Variants in DNM3 observed in about 807,000 individuals in gnomAD.
DNM3 encodes dynamin 3, also known as dynamin-3.
DNM3 carries 47 observed loss-of-function variants against 101.6 expected under a neutral mutation model. The ratio of observed to expected loss-of-function variants is 0.46; its 90% CI spans 0.37 to 0.59. The LOEUF (loss-of-function observed/expected upper bound fraction) is 0.59, where lower values mean the gene tolerates loss of function less well. Ranked by LOEUF, DNM3 falls within the 20% of genes least tolerant of loss-of-function variation. The pLI is 0.00. For missense variants in DNM3, 849 were observed against 1,085.7 expected (o/e 0.78, Z 3.06); for synonymous variants, 385 against 387.9 (o/e 0.99, Z 0.09).
chr1:171,987,478 T>C (rs1030088718), intron 2 of DNM3, among the ~76,000 whole-genome samples, 178 bp from the exon 3 acceptor site: 5 of 152,348 alleles, frequency 3.3e-5, no homozygotes, highest in African/African-American at 1.2e-4. Context: ...GCATTTGTAC[T>C]ATGTTTAATA....
intron 4 of DNM3, 86 bp from the exon 5 acceptor site, chr1:172,032,316 G>T: frequency 1.1e-6 from 1 of 952,056 alleles, no homozygotes; most frequent in Admixed American, 1.8e-5. Context: ...AGGAAAATGT[G>T]CTTTACATTT....
At chr1:172,081,034 C>A (rs144167667) in intron 11 of DNM3, among the ~76,000 whole-genome samples, 2 of 152,334 alleles carry the variant, frequency 1.3e-5, no homozygotes, top group African/African-American at 4.8e-5. Flanking sequence ...CTGTGTTGAT[C>A]TCACTGGGAG....
intron 7 of DNM3, among the ~76,000 whole-genome samples, chr1:172,040,448 A>G (rs1179658486): frequency 6.6e-6 from 1 of 152,006 alleles, no homozygotes; most frequent in African/African-American, 2.4e-5. Context: ...TGGAGTTTCT[A>G]AACCTGGTAA....
In DNM3 at chr1:172,336,385, A is replaced by G. The variant is rs1040860309; in HGVS notation, c.1893+13045A>G. On this transcript the variant is annotated intron_variant, in intron 17 of 20. Transcript: ENST00000627582. ...TATTGTATACAAATTTAGAATAAAC[A>G]TCTTTATGCATAATTTCTCATCTAC... Among the ~76,000 whole-genome samples the G allele has an allele frequency of 3.3e-5, 5 of 152,008 alleles. 1 individual carries two copies. The highest frequency in any genetic ancestry group is 7.4e-5 in the Non-Finnish European group (5 of 67,992).
chr1:171,911,744 C>CT (rs1264121899), intron 1 of DNM3, among the ~76,000 whole-genome samples: 3 of 152,140 alleles, frequency 2.0e-5, no homozygotes, highest in African/African-American at 7.2e-5. Context: ...CATCTGAAGC[C>CT]TTAGCAGGGG....
chr1:172,132,963 C>T, intron 14 of DNM3: 1 of 1,539,366 alleles, frequency 6.5e-7, no homozygotes, highest in Non-Finnish European at 8.8e-7. Flanking sequence ...GAAATTTGAA[C>T]CCAGGCTGTT....
At chr1:172,185,457 A>G (rs1326817764) in intron 14 of DNM3, among the ~76,000 whole-genome samples, 1 of 152,100 alleles carries the variant, frequency 6.6e-6, no homozygotes, top group African/African-American at 2.4e-5. Context: ...TCTCTATTGG[A>G]AACCATTGTG....
Position 172,161,360 on chromosome 1 carries a change from G to A in DNM3, c.1659+30072G>A, listed in dbSNP as rs79476946. Among the ~76,000 whole-genome samples the A allele has an allele frequency of 4.8e-4, 73 of 152,000 alleles. 1 individual carries two copies. In the East Asian group the frequency reaches 0.013, roughly 28 times the overall value. ...GAATGTTATCATGGGCCGTTTCTCA[G>A]CCTAACTTCAGCATTATGAGACACT... On this transcript the variant is annotated intron_variant, in intron 14 of 20. Coordinates refer to ENST00000627582, the MANE Select transcript of DNM3 (RefSeq NM_015569.5).
At chr1:172,349,895 A>C (rs2067118434) in intron 17 of DNM3, among the ~76,000 whole-genome samples, 1 of 152,172 alleles carries the variant, frequency 6.6e-6, no homozygotes, top group Non-Finnish European at 1.5e-5. Flanking sequence ...GGATTACTAT[A>C]ATGCAAGAGG....
intron 14 of DNM3, among the ~76,000 whole-genome samples, chr1:172,140,884 A>G (rs1015048339): frequency 8.9e-4 from 136 of 152,094 alleles, no homozygotes; most frequent in African/African-American, 3.0e-3. Context: ...AAGACTGAAA[A>G]CCATATTGAC....
intron 14 of DNM3, among the ~76,000 whole-genome samples, chr1:172,232,031 C>G (rs187807488): frequency 6.5e-4 from 98 of 151,696 alleles, no homozygotes; most frequent in Non-Finnish European, 1.6e-4. Context: ...AAGATATTAT[C>G]CATAACAATA....
intron 14 of DNM3, among the ~76,000 whole-genome samples, chr1:172,225,503 G>A (rs1192808874): frequency 2.6e-5 from 4 of 152,000 alleles, no homozygotes; most frequent in East Asian, 1.9e-4. Context: ...GATCCAAAAG[G>A]CCTTCTGAAC....
chr1:171,952,584 T>A (rs928059767), intron 2 of DNM3, among the ~76,000 whole-genome samples: 1 of 152,160 alleles, frequency 6.6e-6, no homozygotes, highest in African/African-American at 2.4e-5. Flanking sequence ...CCAGAGGGGA[T>A]CCATTTCAAT....
In DNM3 at chr1:172,409,303, G is replaced by A. The variant is rs1350913214; in HGVS notation, c.*1462G>A. 2 of 985,328 alleles carry A rather than the reference G, an allele frequency of 2.0e-6. No homozygotes were observed. Among genetic ancestry groups the A allele is most frequent in the African/African-American group, 3.5e-5 (2 of 57,362 alleles). The allele number at this position is 985,328 out of a possible 1,614,324, so 61.0% of individuals were successfully genotyped here. A position where few individuals can be genotyped will look rare whatever the true frequency, so the allele number is the denominator to read the frequency against. On this transcript the variant is annotated 3_prime_UTR_variant, in exon 21 of 21. Transcript: ENST00000627582. ...GTCTCCCTTTGAAAGTAGCAAACAT[G>A]ATTTGTATGTTAACTTAACTTTAAT...
intron 1 of DNM3, among the ~76,000 whole-genome samples, chr1:171,913,688 C>T (rs1275825716): frequency 6.6e-6 from 1 of 152,138 alleles, no homozygotes; most frequent in East Asian, 1.9e-4. Context: ...CTTTCTCTTC[C>T]TATCTCCTTT....
In DNM3 at chr1:172,279,774, T is replaced by C. The variant is rs541249709; in HGVS notation, c.1769+26092T>C. Among the ~76,000 whole-genome samples the C allele has an allele frequency of 3.3e-3, 507 of 152,308 alleles. 1 individual carries two copies. The highest frequency in any genetic ancestry group is 0.011 in the African/African-American group (478 of 41,588). ...GATATATATTTAGAATTCAGCCTCTTCTTTCTTACCCCTTGGCCTCATCGG... is the reference window on the plus strand; with the variant it reads ...GATATATATTTAGAATTCAGCCTCTCCTTTCTTACCCCTTGGCCTCATCGG... On this transcript the variant is annotated intron_variant, in intron 15 of 20. Coordinates refer to ENST00000627582, the MANE Select transcript of DNM3 (RefSeq NM_015569.5).
At chr1:171,967,017 G>A (rs1571872008) in intron 2 of DNM3, among the ~76,000 whole-genome samples, 1 of 152,004 alleles carries the variant, frequency 6.6e-6, no homozygotes, top group African/African-American at 2.4e-5. Flanking sequence ...TTTTCTTGTA[G>A]CCTTAGGAAT....
chr1:172,019,033 C>T (rs1572108009), intron 4 of DNM3, among the ~76,000 whole-genome samples: 2 of 136,070 alleles, frequency 1.5e-5, no homozygotes, highest in East Asian at 2.5e-4. Context: ...CCCTCCCTTC[C>T]TCCCTCCCTT....
rs79349483 is a variant in DNM3 at position 172,093,562 on chromosome 1, T to A, written c.1545+687T>A. ...ATAGTTTTTAAAAAACTTTCAGAGG[T>A]ACAATTATTGAACAAATTGAAACCT... On this transcript the variant is annotated intron_variant, in intron 13 of 20. Transcript: ENST00000627582. 636 of 658,638 alleles carry A rather than the reference T, an allele frequency of 9.7e-4. 4 individuals are homozygous for A. In the African/African-American group the frequency reaches 1.0e-2, roughly 10 times the overall value. The allele number at this position is 658,638 out of a possible 1,614,324, so 40.8% of individuals were successfully genotyped here.
Sources: gnomAD v4.1 joint callset for allele counts (sites outside exome capture counted in the v4.1 genomes callset) on GRCh38, gnomAD v4.1.1 for gene constraint, MANE v1.5 for transcripts, NCBI Gene and HGNC (gene_info 2026-07-23, HGNC 2026-07-21) for gene names.